BCL11A: variants seen among roughly 807,000 people sequenced by gnomAD.
The protein encoded by BCL11A is B cell CLL/lymphoma 11A.
BCL11A carries 2 observed loss-of-function variants against 55.9 expected under a neutral mutation model. That is an observed-to-expected ratio of 0.04 (90% confidence interval 0.01 to 0.11). BCL11A has a LOEUF of 0.11. Among genes scored for constraint, BCL11A ranks in the 10% least tolerant of loss-of-function variants. The pLI is 1.00. For missense variants in BCL11A, 817 were observed against 1,137.1 expected (o/e 0.72, Z 4.05); for synonymous variants, 465 against 473.4 (o/e 0.98, Z 0.23).
exon 5 of BCL11A, chr2:60,452,086 C>G (rs550386468): frequency 4.4e-6 from 1 of 228,368 alleles, no homozygotes; most frequent in East Asian, 6.3e-5. Context: ...GAAACAGGTA[C>G]AGAAGTACAA....
intron 2 of BCL11A, among the ~76,000 whole-genome samples, chr2:60,492,615 C>CCTCTCT (rs3028027): frequency 0.011 from 1,656 of 144,604 alleles, 37 homozygotes; most frequent in African/African-American, 0.037. Context: ...AGTGGGCCTC[C>CCTCTCT]CTCTCTCTCT....
chr2:60,454,075 T>C (rs920063593), downstream of BCL11A, among the ~76,000 whole-genome samples: 2 of 151,896 alleles, frequency 1.3e-5, no homozygotes, highest in African/African-American at 4.8e-5. Flanking sequence ...ACAGCCCCAT[T>C]CCCCTAAAGG....
chr2:60,498,397 T>C (rs979966260), intron 2 of BCL11A, among the ~76,000 whole-genome samples: 6 of 151,920 alleles, frequency 3.9e-5, no homozygotes, highest in Non-Finnish European at 8.8e-5. Flanking sequence ...GCACACAAGA[T>C]GCACACCCAG....
At chr2:60,480,379 C>A (rs1267452492) in intron 2 of BCL11A, among the ~76,000 whole-genome samples, 1 of 152,220 alleles carries the variant, frequency 6.6e-6, no homozygotes, top group Non-Finnish European at 1.5e-5. Flanking sequence ...CAGCACCATG[C>A]TGGGCAAAGA....
chr2:60,466,778 C>CT (rs146402255), intron 3 of BCL11A, among the ~76,000 whole-genome samples: 3,090 of 151,340 alleles, frequency 0.02, 90 homozygotes, highest in African/African-American at 0.07. Context: ...TTTTCCTTTT[C>CT]TTTTTTTTTC....
intron 2 of BCL11A, among the ~76,000 whole-genome samples, chr2:60,475,019 C>T (rs1331891330): frequency 6.6e-6 from 1 of 152,088 alleles, no homozygotes; most frequent in Non-Finnish European, 1.5e-5. Context: ...AAGAGGAAAA[C>T]TTATGAGTTA....
Position 60,477,628 on chromosome 2 carries a change from T to G in BCL11A, c.386-8795A>C, listed in dbSNP as rs1025119723. On this transcript the variant is annotated intron_variant, in intron 2 of 3. Coordinates refer to ENST00000642384, the MANE Select transcript of BCL11A (RefSeq NM_022893.4). ...ATAAAGAAAGAAAGAAAGAAAGAAATAATCAAACATGGTGTTTCCAAGAGA... is the reference window on the plus strand; with the variant it reads ...ATAAAGAAAGAAAGAAAGAAAGAAAGAATCAAACATGGTGTTTCCAAGAGA... 1.8e-4 allele frequency among the ~76,000 whole-genome samples: 22 copies of G among 124,944 alleles called. No individual in the cohort carries two copies. In the East Asian group the frequency reaches 2.0e-3, roughly 11 times the overall value. 82.0% of individuals were successfully genotyped at this position (124,944 alleles called of 152,430 possible).
intron 2 of BCL11A, among the ~76,000 whole-genome samples, chr2:60,473,497 C>A (rs1461444567): frequency 6.6e-6 from 1 of 152,184 alleles, no homozygotes; most frequent in Non-Finnish European, 1.5e-5. Flanking sequence ...ACTTAAAATG[C>A]ATCCTGAACG....
In BCL11A at chr2:60,460,410, A is replaced by T; in HGVS notation, c.2502T>A (p.Thr834=). Reference sequence around the variant, plus strand: ...GAGGGGTATTAATATACCTCTATTCAGTTTTTATATCATTATTCAACACTC... The same window carrying T: ...GAGGGGTATTAATATACCTCTATTCTGTTTTTATATCATTATTCAACACTC... ...SDRVLNNDIK[T]E The change falls in exon 4 of 4, where the codon ACT becomes ACA. Residue 834 remains threonine, a synonymous_variant. Transcript: ENST00000642384. 6.3e-7 allele frequency: 1 copy of T among 1,595,808 alleles called. No homozygotes were observed. Among genetic ancestry groups the T allele is most frequent in the Non-Finnish European group, 8.6e-7 (1 of 1,166,196 alleles).
chr2:60,546,362 G>T lies in BCL11A; in HGVS notation c.56-62C>A. ...GCCAGAGAGGACAGAAAGGGGAGAA[G>T]CACATCTCAACCCCATGCCATCCCA... On this transcript the variant is annotated intron_variant, in intron 1 of 3. Coordinates refer to ENST00000642384, the MANE Select transcript of BCL11A (RefSeq NM_022893.4). This position sits in a 1 kb window ranked among gnomAD's most constrained non-coding sequence, Gnocchi z 4.1. 7.0e-7 allele frequency: 1 copy of T among 1,426,096 alleles called. No individual in the cohort carries two copies. Among genetic ancestry groups the T allele is most frequent in the Non-Finnish European group, 9.7e-7 (1 of 1,029,482 alleles). The allele number at this position is 1,426,096 out of a possible 1,614,324, so 88.3% of individuals were successfully genotyped here.
rs954470682 is a variant in BCL11A, at chr2:60,459,221, G to C, written c.*1183C>G. ...TACAAGGTCTTAAAGTTTATCATTT[G>C]ATTGTCCACTTGACAACCAAGTAGA... On this transcript the variant is annotated 3_prime_UTR_variant, in exon 4 of 4. Transcript: ENST00000642384. 9.8e-7 allele frequency: 1 copy of C among 1,020,448 alleles called. No individual in the cohort carries two copies. The highest frequency in any genetic ancestry group is 1.7e-5 in the African/African-American group (1 of 58,710). 63.2% of individuals were successfully genotyped at this position (1,020,448 alleles called of 1,614,324 possible).
At chr2:60,479,348 G>A (rs1157475543) in intron 2 of BCL11A, among the ~76,000 whole-genome samples, 1 of 152,080 alleles carries the variant, frequency 6.6e-6, no homozygotes, top group Non-Finnish European at 1.5e-5. Flanking sequence ...TTTTTGTTTT[G>A]AGTCTCTCTA....
At chr2:60,537,245 A>G (rs2104681435) in intron 2 of BCL11A, 1 of 152,354 alleles carries the variant, frequency 6.6e-6, no homozygotes, top group South Asian at 2.1e-4. Flanking sequence ...CCTTTAAATC[A>G]TTCTTCAGTA....
chr2:60,528,815 T>G (rs367740339), intron 2 of BCL11A, among the ~76,000 whole-genome samples: 4 of 151,906 alleles, frequency 2.6e-5, no homozygotes, highest in East Asian at 3.8e-4. Flanking sequence ...ATGGTAATAA[T>G]GACAACAGCA....
intron 2 of BCL11A, among the ~76,000 whole-genome samples, chr2:60,487,075 T>A (rs748122168): frequency 3.9e-5 from 6 of 152,254 alleles, no homozygotes; most frequent in Non-Finnish European, 7.3e-5. Flanking sequence ...TGAGTTTCCC[T>A]GCCTCCAACC....
At chr2:60,530,807 C>G (rs1299622988) in intron 2 of BCL11A, among the ~76,000 whole-genome samples, 1 of 152,158 alleles carries the variant, frequency 6.6e-6, no homozygotes, top group Non-Finnish European at 1.5e-5. Flanking sequence ...CAACCAGGGC[C>G]TGCACCTCCC....
At chr2:60,480,777 C>G (rs1162579752) in intron 2 of BCL11A, among the ~76,000 whole-genome samples, 1 of 152,140 alleles carries the variant, frequency 6.6e-6, no homozygotes, top group Non-Finnish European at 1.5e-5. Flanking sequence ...GTCTCAATTA[C>G]TAGTCTGGGT....
chr2:60,500,842 T>C (rs952574565), intron 2 of BCL11A, among the ~76,000 whole-genome samples: 1 of 152,218 alleles, frequency 6.6e-6, no homozygotes, highest in Non-Finnish European at 1.5e-5. Context: ...AGCAGCTCTT[T>C]AACCTCTCCA....
intron 2 of BCL11A, among the ~76,000 whole-genome samples, chr2:60,528,880 T>G (rs1669324999): frequency 6.6e-6 from 1 of 152,186 alleles, no homozygotes; most frequent in African/African-American, 2.4e-5. Context: ...CCTCATTTAC[T>G]TCTCACATGG....
Sources: gnomAD v4.1 joint callset for allele counts (sites outside exome capture counted in the v4.1 genomes callset) on GRCh38, gnomAD v4.1.1 for gene constraint, Gnocchi (gnomAD v3.1) non-coding constraint, MANE v1.5 for transcripts, NCBI Gene and HGNC (gene_info 2026-07-23, HGNC 2026-07-21) for gene names.